The following PAM16 variants were observed in gnomAD, a reference collection of about 807,000 sequenced individuals.
PAM16 encodes the protein presequence translocase associated motor 16.
Under a neutral mutation model 17.9 loss-of-function variants are expected in PAM16, and 11 were observed. The observed-to-expected ratio is 0.62, with a 90% CI of 0.39 to 1.02. PAM16 has a LOEUF of 1.02. PAM16 is among the 50% of genes least tolerant of loss of function. PAM16 has a pLI of 0.01. For synonymous variants in PAM16, 72 were observed against 67.4 expected, an observed-to-expected ratio of 1.07 and a Z score of -0.34; for missense variants, 199 against 165.4, an observed-to-expected ratio of 1.20 and a Z score of -1.11.
chr16:4,350,107 CT>C (rs200180827), intron 1 of PAM16, among the ~76,000 whole-genome samples: 15 of 151,674 alleles, frequency 9.9e-5, no homozygotes, highest in East Asian at 9.7e-4. Flanking sequence ...AGAACCTGAA[CT>C]TTTTTTTTCC....
chr16:4,341,909 G>A (rs1034545758), intron 2 of PAM16, among the ~76,000 whole-genome samples: 1 of 152,210 alleles, frequency 6.6e-6, no homozygotes, highest in East Asian at 1.9e-4. Context: ...GACCACCAAA[G>A]CCACTGCCTT....
intron 1 of PAM16, among the ~76,000 whole-genome samples, chr16:4,350,071 T>C (rs1412428577): frequency 1.3e-5 from 2 of 152,120 alleles, no homozygotes; most frequent in Admixed American, 1.3e-4. Context: ...AACTTACGTG[T>C]GCAGAACCTC....
At chr16:4,343,064 G>T in intron 2 of PAM16, 143 bp downstream of exon 2, 1 of 1,079,766 alleles carries the variant, frequency 9.3e-7, no homozygotes, top group African/African-American at 1.6e-5. Context: ...AGAATGCCCC[G>T]GTCTGGCATC....
At chr16:4,345,902 A>G in intron 1 of PAM16, 1 of 985,252 alleles carries the variant, frequency 1.0e-6, no homozygotes, top group Non-Finnish European at 1.2e-6. Flanking sequence ...GGCTTGAAAC[A>G]CGGCTCAGGT....
intron 2 of PAM16, chr16:4,341,713 G>T (rs971139981): frequency 1.5e-5 from 12 of 797,410 alleles, no homozygotes; most frequent in Admixed American, 1.2e-4. Context: ...GGAGGGTAAG[G>T]GCAGGATCTG....
intron 2 of PAM16, 171 bp from the exon 3 acceptor site, chr16:4,341,675 G>A: frequency 1.8e-6 from 2 of 1,131,842 alleles, no homozygotes; most frequent in South Asian, 3.2e-5. Flanking sequence ...GGTAGAGGCT[G>A]GGAAAGTGAG....
At chr16:4,342,379 G>A (rs758135619) in intron 2 of PAM16, among the ~76,000 whole-genome samples, 13 of 150,056 alleles carry the variant, frequency 8.7e-5, no homozygotes, top group Non-Finnish European at 1.6e-4. Flanking sequence ...AAAGGGCTGG[G>A]TGCGGTGGCT....
At chr16:4,351,102 G>A (rs1367685368) in intron 1 of PAM16, 130 bp downstream of exon 1, 4 of 445,358 alleles carry the variant, frequency 9.0e-6, no homozygotes, top group Non-Finnish European at 1.4e-5. Flanking sequence ...AACGCCCCCA[G>A]ACCATGCTTC....
At chr16:4,350,022 A>C (rs1217279802) in intron 1 of PAM16, among the ~76,000 whole-genome samples, 2 of 152,174 alleles carry the variant, frequency 1.3e-5, no homozygotes, top group Non-Finnish European at 2.9e-5. Context: ...TTAGTTAAGA[A>C]GTGGCTCCCC....
At position 4,341,433 on chromosome 16, in the gene PAM16, G is replaced by C; in HGVS notation, c.160C>G (p.Leu54Val). 6.2e-7 allele frequency: 1 copy of C among 1,607,958 alleles called. No homozygotes were observed. Among genetic ancestry groups the C allele is most frequent in the Non-Finnish European group, 8.5e-7 (1 of 1,177,976 alleles). Reference protein sequence around the residue: ...RSAAASNLSGLSLQEAQQILN... With the variant: ...RSAAASNLSGVSLQEAQQILN... ...ATCTGCTGTGCCTCCTGGAGGCTGA[G>C]GCCGGAGAGGTTGGAAGCGGCTGCA... Residue 54 changes from leucine to valine, a missense_variant, in exon 3 of 5, where the codon CTC becomes GTC. Physicochemically the swap from Leu to Val is conservative, Grantham distance 32 (BLOSUM62 1). Coordinates refer to ENST00000318059, the MANE Select transcript of PAM16 (RefSeq NM_016069.11).
chr16:4,350,756 G>C (rs956212659), intron 1 of PAM16, among the ~76,000 whole-genome samples: 3 of 152,170 alleles, frequency 2.0e-5, no homozygotes, highest in African/African-American at 7.2e-5. Context: ...CAGGTCTGTT[G>C]ACTGGCTCTA....
chr16:4,343,055 G>C, intron 2 of PAM16, 152 bp downstream of exon 2: 1 of 990,404 alleles, frequency 1.0e-6, no homozygotes, highest in Non-Finnish European at 1.5e-6. Flanking sequence ...TACCACTGAA[G>C]AATGCCCCGG....
chr16:4,346,397 T>C (rs1393420809), intron 1 of PAM16, among the ~76,000 whole-genome samples: 2 of 152,238 alleles, frequency 1.3e-5, no homozygotes, highest in East Asian at 3.8e-4. Context: ...CACAGCCTAA[T>C]GGTACAGCAG....
intron 2 of PAM16, among the ~76,000 whole-genome samples, chr16:4,341,993 G>A (rs1015159444): frequency 1.3e-5 from 2 of 152,204 alleles, no homozygotes; most frequent in African/African-American, 2.4e-5. Context: ...AAGGCTCAGA[G>A]AGTAGCTATT....
intron 4 of PAM16, among the ~76,000 whole-genome samples, chr16:4,340,608 C>T (rs929322994): frequency 6.6e-6 from 1 of 152,186 alleles, no homozygotes; most frequent in African/African-American, 2.4e-5. Flanking sequence ...CATGCTGTGA[C>T]CTCTGTGAGC....
intron 1 of PAM16, among the ~76,000 whole-genome samples, chr16:4,345,041 G>A (rs1386571078): frequency 1.3e-5 from 2 of 152,064 alleles, no homozygotes; most frequent in Non-Finnish European, 2.9e-5. Flanking sequence ...TCTGGCGGAT[G>A]ACATGGAAAG....
chr16:4,343,625 C>T, intron 1 of PAM16: 2 of 1,315,054 alleles, frequency 1.5e-6, no homozygotes, highest in Non-Finnish European at 2.0e-6. Flanking sequence ...GTCTGGGAGC[C>T]AGAACACAGG....
intron 1 of PAM16, chr16:4,345,556 G>C (rs12924393): frequency 0.012 from 1,837 of 152,306 alleles, 23 homozygotes; most frequent in Admixed American, 0.022. Flanking sequence ...TTCAGCCTCC[G>C]AGGACCTGCT....
chr16:4,350,304 G>A (rs1428901096), intron 1 of PAM16, among the ~76,000 whole-genome samples: 2 of 150,044 alleles, frequency 1.3e-5, no homozygotes, highest in African/African-American at 4.9e-5. Flanking sequence ...TTATGTGTGT[G>A]TGTGTGTATA....
Sources: gnomAD v4.1 joint callset for allele counts (sites outside exome capture counted in the v4.1 genomes callset) on GRCh38, gnomAD v4.1.1 for gene constraint, MANE v1.5 for transcripts, NCBI Gene and HGNC (gene_info 2026-07-23, HGNC 2026-07-21) for gene names.